SGK2: variants seen among roughly 807,000 people sequenced by gnomAD.
The protein encoded by SGK2 is serine/threonine-protein kinase Sgk2.
In SGK2, 36 loss-of-function variants were observed where a neutral mutation model predicts 47.5. The observed-to-expected ratio is 0.76, with a 90% CI of 0.58 to 1.00. SGK2 has a LOEUF of 1.00. SGK2 is among the 50% of genes least tolerant of loss of function. The pLI, the probability that SGK2 is intolerant of heterozygous loss-of-function variation, is 0.00. For missense variants in SGK2, 404 were observed against 467.4 expected, an observed-to-expected ratio of 0.86 and a Z score of 1.25; for synonymous variants, 157 against 181.9, an observed-to-expected ratio of 0.86 and a Z score of 1.10.
chr20:43,580,787 G>A (rs1980745695), intron 12 of SGK2, among the ~76,000 whole-genome samples: 1 of 151,110 alleles, frequency 6.6e-6, no homozygotes, highest in African/African-American at 2.4e-5. Context: ...AAGTAGCAGT[G>A]GCGAAATGCT....
chr20:43,581,819 G>A lies in SGK2; in HGVS notation c.939+1758G>A, dbSNP rs193081483. ...GCTGGGATTACAGGCGTGAGCCACC[G>A]CACCTGGCCATTTTTAGGTTGTTGA... On this transcript the variant is annotated intron_variant, in intron 12 of 12. Coordinates refer to ENST00000373100, the MANE Select transcript of SGK2 (RefSeq NM_170693.3). Among the ~76,000 whole-genome samples the A allele has an allele frequency of 5.0e-3, 760 of 151,924 alleles. 3 individuals are homozygous for A. Among genetic ancestry groups the A allele is most frequent in the Non-Finnish European group, 8.0e-3 (545 of 67,942 alleles).
intron 11 of SGK2, among the ~76,000 whole-genome samples, chr20:43,577,336 C>A (rs188580581): frequency 6.7e-6 from 1 of 149,594 alleles, no homozygotes; most frequent in Non-Finnish European, 1.5e-5. Context: ...GAGTGGACTG[C>A]ACTGCATCTG....
chr20:43,578,915 G>T (rs1373690563), intron 11 of SGK2, among the ~76,000 whole-genome samples: 1 of 151,840 alleles, frequency 6.6e-6, no homozygotes, highest in Non-Finnish European at 1.5e-5. Flanking sequence ...AATTCAAAGG[G>T]TACAAAAGAG....
intron 9 of SGK2, 147 bp from the exon 10 acceptor site, chr20:43,574,762 A>G: frequency 3.4e-6 from 2 of 584,940 alleles, no homozygotes; most frequent in Non-Finnish European, 6.3e-6. Flanking sequence ...CCTTTGCTGA[A>G]TGACTGATGC....
chr20:43,580,149 C>T (rs1980702525), intron 12 of SGK2, 88 bp downstream of exon 12: 1 of 792,594 alleles, frequency 1.3e-6, no homozygotes, highest in Admixed American at 2.7e-5. Context: ...AGATGGAAAA[C>T]TTGGGGGTCC....
rs920326772 is a variant in SGK2, at chr20:43,585,181, G to C, written c.*165G>C. The C allele has an allele frequency of 3.4e-6, 2 of 591,778 alleles. No homozygotes were observed. Among genetic ancestry groups the C allele is most frequent in the Admixed American group, 6.2e-5 (2 of 32,352 alleles). The allele number at this position is 591,778 out of a possible 1,614,324, so 36.7% of individuals were successfully genotyped here. ...ATGTTTCGGAGTCCAGGACTGGCAG[G>C]ACAGGTCATCAGATACTCAGAGGCT... On this transcript the variant is annotated 3_prime_UTR_variant, in exon 13 of 13. Transcript: ENST00000373100.
chr20:43,572,067 C>A lies in SGK2; in HGVS notation c.527C>A (p.Thr176Lys). 1 of 1,549,112 alleles carries A rather than the reference C, an allele frequency of 6.5e-7. No homozygotes were observed. Among genetic ancestry groups the A allele is most frequent in the Non-Finnish European group, 8.7e-7 (1 of 1,146,100 alleles). ...LLDCQGHVVLTDFGLCKEGVE... is the reference protein window; with the variant it reads ...LLDCQGHVVLKDFGLCKEGVE... ...CATTCTCAGGGACACGTGGTGCTGA[C>A]GGATTTTGGCCTCTGCAAGGAAGGT... is the stretch of plus-strand genomic sequence containing the variant. Residue 176 changes from threonine (T) to lysine (K), a missense_variant, in exon 9 of 13, where the codon ACG becomes AAG. Thr to Lys is a moderately conservative substitution (Grantham distance 78). Coordinates refer to ENST00000373100, the MANE Select transcript of SGK2 (RefSeq NM_170693.3). The surrounding 1 kb of genome is among the most constrained non-coding windows in gnomAD (Gnocchi z 4.2).
intron 2 of SGK2, among the ~76,000 whole-genome samples, chr20:43,566,781 C>T (rs1443422106): frequency 6.6e-6 from 1 of 152,088 alleles, no homozygotes. Context: ...CCCTGGGCAA[C>T]TCCTCTCTGG....
At chr20:43,566,331 A>G (rs1408131967) in intron 1 of SGK2, 142 bp from the exon 2 acceptor site, 1 of 1,611,476 alleles carries the variant, frequency 6.2e-7, no homozygotes, top group Non-Finnish European at 8.5e-7. Context: ...GGGGTTGCTT[A>G]CCTCGGGTAG....
rs527916649 is a variant in SGK2, at chr20:43,576,265, C to T, written c.735C>T (p.Asn245=). 6.2e-7 allele frequency: 1 copy of T among 1,614,178 alleles called. No individual in the cohort carries two copies. The highest frequency in any genetic ancestry group is 1.7e-5 in the Admixed American group (1 of 60,016). ...YSQDVSQMYE[N]ILHQPLQIPG... ...AAGATGTATCCCAGATGTATGAGAACATTCTGCACCAGCCGCTACAGATCC... is the reference window on the plus strand; with the variant it reads ...AAGATGTATCCCAGATGTATGAGAATATTCTGCACCAGCCGCTACAGATCC... The change falls in exon 11 of 13, where the codon AAC becomes AAT. Residue 245 remains asparagine (N), a synonymous_variant. Transcript: ENST00000373100.
Position 43,576,129 on chromosome 20 carries a change from T to A in SGK2, c.694-95T>A, listed in dbSNP as rs369704185. On this transcript the variant is annotated intron_variant, in intron 10 of 12. Transcript: ENST00000373100. ...CCATTGCACAAGACAGGGGTCATACTGAATCCTCCCAGCCGCCCACCTTGC... is the reference window on the plus strand; with the variant it reads ...CCATTGCACAAGACAGGGGTCATACAGAATCCTCCCAGCCGCCCACCTTGC... 201 of 1,465,572 alleles carry A rather than the reference T, an allele frequency of 1.4e-4. No homozygotes were observed. In the African/African-American group the frequency reaches 2.5e-3, roughly 18 times the overall value. 90.8% of individuals were successfully genotyped at this position (1,465,572 alleles called of 1,614,324 possible). A position where few individuals can be genotyped will look rare whatever the true frequency, so the allele number is the denominator to read the frequency against.
In SGK2 at chr20:43,584,834, A is replaced by G. The variant is rs200908643; in HGVS notation, c.940-18A>G. ...CTGACCCCGGTGTTTTCTTCTCATC[A>G]TTGGCTTTTATTGACAGACAGGACC... On this transcript the variant is annotated intron_variant, in intron 12 of 12. Transcript: ENST00000373100. 1.9e-6 allele frequency: 3 copies of G among 1,610,954 alleles called. No homozygotes were observed. Among genetic ancestry groups the G allele is most frequent in the African/African-American group, 2.7e-5 (2 of 74,948 alleles).
In SGK2 at chr20:43,567,914, A is replaced by G; in HGVS notation, c.145-2A>G. On this transcript the variant is annotated splice_acceptor_variant, in intron 4 of 12. Coordinates refer to ENST00000373100, the MANE Select transcript of SGK2 (RefSeq NM_170693.3). LOFTEE classifies it high-confidence loss of function. ...GGGCCTCAAATTCATGTTTCTTCTC[A>G]GGTCCTACTGGCCAAGCGCAAGTCT... is the stretch of plus-strand genomic sequence containing the variant. 3.1e-6 allele frequency: 5 copies of G among 1,613,888 alleles called. No individual in the cohort carries two copies. The South Asian group carries it at 5.5e-5, about 18-fold the overall frequency.
intron 6 of SGK2, 38 bp downstream of exon 6, chr20:43,569,554 C>T (rs770943202): frequency 3.1e-6 from 5 of 1,606,404 alleles, no homozygotes; most frequent in South Asian, 2.2e-5. Flanking sequence ...TGGGCTGGCT[C>T]TCGGCTGGGA....
At chr20:43,576,833 T>A (rs879597462) in intron 11 of SGK2, among the ~76,000 whole-genome samples, 12 of 152,220 alleles carry the variant, frequency 7.9e-5, no homozygotes, top group Admixed American at 6.5e-4. Context: ...TCCTGGCTAC[T>A]TAGTAGGCTG....
At chr20:43,582,835 T>C (rs990584130) in intron 12 of SGK2, among the ~76,000 whole-genome samples, 2 of 151,864 alleles carry the variant, frequency 1.3e-5, no homozygotes, top group Non-Finnish European at 2.9e-5. Context: ...CTACAGGCGC[T>C]CAGCACCATG....
In SGK2 at chr20:43,571,066, T is replaced by G. The variant is rs541502152; in HGVS notation, c.510+6T>G. 2.6e-4 allele frequency: 16 copies of G among 62,176 alleles called. No homozygotes were observed. The highest frequency in any genetic ancestry group is 1.5e-3 in the East Asian group (3 of 1,972). 3.9% of individuals were successfully genotyped at this position (62,176 alleles called of 1,614,324 possible). ...ACATTCTCTTGGACTGCCAGGTTGG[T>G]GTGTGTGTGTGTGTGTGTGTGTGTG... is the stretch of plus-strand genomic sequence containing the variant. On this transcript the variant is annotated splice_donor_region_variant and intron_variant, in intron 8 of 12. Transcript: ENST00000373100.
rs1399643390 is a variant in SGK2, at chr20:43,569,497, A to G, written c.341A>G (p.Asp114Gly). 6.2e-7 allele frequency: 1 copy of G among 1,613,106 alleles called. No individual in the cohort carries two copies. Among genetic ancestry groups the G allele is most frequent in the East Asian group, 2.2e-5 (1 of 44,832 alleles). The change falls in exon 6 of 13, where the codon GAC becomes GGC. Residue 114 changes from aspartate to glycine, a missense_variant. Transcript: ENST00000373100. ...QTPEKLYFVL[D>G]YVNGGELFFH... ...CCTGAGAAGCTCTACTTCGTGCTCG[A>G]CTATGTCAACGGGGGAGAGGTGGGT...
At chr20:43,565,441 C>T (rs150661969) in intron 1 of SGK2, among the ~76,000 whole-genome samples, 20 of 152,326 alleles carry the variant, frequency 1.3e-4, no homozygotes, top group Middle Eastern at 3.4e-3. Flanking sequence ...GCAGCTTGCT[C>T]TTAAGGCTTG....
Sources: gnomAD v4.1 joint callset for allele counts (sites outside exome capture counted in the v4.1 genomes callset) on GRCh38, gnomAD v4.1.1 for gene constraint, Gnocchi (gnomAD v3.1) non-coding constraint, MANE v1.5 for transcripts, NCBI Gene and HGNC (gene_info 2026-07-23, HGNC 2026-07-21) for gene names.